FGD3: variants seen among roughly 807,000 people sequenced by gnomAD.
FGD3 encodes FYVE, RhoGEF and PH domain containing 3, also known as FYVE, RhoGEF and PH domain-containing protein 3.
A neutral mutation model predicts 71.8 loss-of-function variants in FGD3; 45 were observed. The observed-to-expected ratio is 0.63, with a 90% CI of 0.49 to 0.80. The LOEUF (loss-of-function observed/expected upper bound fraction) is 0.80, where lower values mean the gene tolerates loss of function less well. Ranked by LOEUF, FGD3 falls within the 30% of genes least tolerant of loss-of-function variation. FGD3 has a pLI of 0.00. For synonymous variants in FGD3, 378 were observed against 392.8 expected (o/e 0.96, Z 0.44); for missense variants, 844 against 951.5 (o/e 0.89, Z 1.49).
chr9:92,952,525 C>A (rs1258859214), intron 1 of FGD3, among the ~76,000 whole-genome samples: 1 of 152,108 alleles, frequency 6.6e-6, no homozygotes, highest in Non-Finnish European at 1.5e-5. Flanking sequence ...GTGTGAGCCA[C>A]CGCGCCCGGC....
chr9:92,994,653 A>C (rs1441424077), intron 3 of FGD3, among the ~76,000 whole-genome samples: 2 of 152,158 alleles, frequency 1.3e-5, no homozygotes, highest in Non-Finnish European at 2.9e-5. Context: ...TTTTTGTATA[A>C]GATGTAAGGA....
intron 6 of FGD3, among the ~76,000 whole-genome samples, chr9:93,008,390 A>G (rs572680390): frequency 1.3e-4 from 20 of 152,156 alleles, no homozygotes; most frequent in Non-Finnish European, 2.1e-4. Context: ...AGGGCCACAC[A>G]TTGCGCTCAT....
In FGD3 at chr9:93,022,559, G is replaced by A. The variant is rs148052155; in HGVS notation, c.1557+170G>A. 4.1e-3 allele frequency among the ~76,000 whole-genome samples: 623 copies of A among 152,218 alleles called. 3 individuals carry two copies. Among genetic ancestry groups the A allele is most frequent in the African/African-American group, 0.014 (576 of 41,530 alleles). On this transcript the variant is annotated intron_variant, in intron 14 of 17. Coordinates refer to ENST00000375482, the MANE Select transcript of FGD3 (RefSeq NM_001083536.2). The stretch of plus-strand genomic sequence containing the variant: ...ACTGTGACTGGGGGCCTGGGTGTGC[G>A]GAGGTGAAGCTATGTCTGAGTCCAG...
At chr9:92,956,660 C>T (rs573045853) in intron 1 of FGD3, among the ~76,000 whole-genome samples, 1 of 152,224 alleles carries the variant, frequency 6.6e-6, no homozygotes, top group East Asian at 1.9e-4. Context: ...TTTGACTTTT[C>T]AGCCACCTAG....
At chr9:93,011,974 T>C (rs1438446157) in intron 8 of FGD3, among the ~76,000 whole-genome samples, 1 of 151,866 alleles carries the variant, frequency 6.6e-6, no homozygotes, top group Non-Finnish European at 1.5e-5. Flanking sequence ...CTGGCTAATA[T>C]GGTGAAACCC....
chr9:92,995,791 A>T (rs1199096904), intron 3 of FGD3, among the ~76,000 whole-genome samples: 1 of 152,180 alleles, frequency 6.6e-6, no homozygotes, highest in Non-Finnish European at 1.5e-5. Flanking sequence ...TGATTTGTGT[A>T]TGTTGAACCA....
At chr9:93,008,095 T>C (rs909482229) in intron 6 of FGD3, among the ~76,000 whole-genome samples, 2 of 152,228 alleles carry the variant, frequency 1.3e-5, no homozygotes, top group African/African-American at 4.8e-5. Context: ...GTTGCAAAAA[T>C]GACATTGTTA....
chr9:92,978,624 C>A (rs1328871295), intron 3 of FGD3, among the ~76,000 whole-genome samples: 1 of 151,168 alleles, frequency 6.6e-6, no homozygotes, highest in Non-Finnish European at 1.5e-5. Flanking sequence ...GTTAAGGCTC[C>A]ACCCCAAGGT....
intron 3 of FGD3, among the ~76,000 whole-genome samples, chr9:92,981,844 TC>T (rs1307191852): frequency 6.6e-6 from 1 of 152,176 alleles, no homozygotes; most frequent in Admixed American, 6.5e-5. Flanking sequence ...CAGCAGTGAT[TC>T]TTTTTTTTTA....
intron 3 of FGD3, among the ~76,000 whole-genome samples, chr9:92,989,994 T>C (rs1472016976): frequency 6.6e-6 from 1 of 151,998 alleles, no homozygotes; most frequent in Non-Finnish European, 1.5e-5. Context: ...GTATATGAGA[T>C]TGCCTTCTTG....
chr9:92,998,738 G>T, intron 3 of FGD3, among the ~76,000 whole-genome samples: 1 of 152,142 alleles, frequency 6.6e-6, no homozygotes, highest in East Asian at 1.9e-4. Flanking sequence ...TTTGCTGGAG[G>T]TCCACTCCCT....
chr9:92,961,269 C>T (rs1311383978), intron 1 of FGD3, among the ~76,000 whole-genome samples: 1 of 152,132 alleles, frequency 6.6e-6, no homozygotes, highest in Non-Finnish European at 1.5e-5. Flanking sequence ...TGAGCAGCAC[C>T]CTTGAGGGAC....
intron 3 of FGD3, among the ~76,000 whole-genome samples, chr9:92,989,725 C>CTCA (rs1860329595): frequency 3.9e-5 from 6 of 152,144 alleles, no homozygotes; most frequent in Admixed American, 2.6e-4. Context: ...CTCAGTAAAT[C>CTCA]GGCACTTTAC....
intron 1 of FGD3, among the ~76,000 whole-genome samples, chr9:92,957,920 A>T (rs1859092721): frequency 6.6e-6 from 1 of 151,792 alleles, no homozygotes; most frequent in African/African-American, 2.4e-5. Flanking sequence ...ACCTCAGGTG[A>T]TCTGCCCACC....
At chr9:93,002,266 G>A (rs1183594507) in intron 3 of FGD3, among the ~76,000 whole-genome samples, 2 of 152,096 alleles carry the variant, frequency 1.3e-5, no homozygotes, top group Non-Finnish European at 2.9e-5. Flanking sequence ...AACTTACAGA[G>A]GTTTGTTAGC....
chr9:93,007,232 A>AG (rs950214716), intron 6 of FGD3, among the ~76,000 whole-genome samples: 42 of 151,980 alleles, frequency 2.8e-4, no homozygotes, highest in African/African-American at 9.9e-4. Flanking sequence ...CTGGGACTAC[A>AG]GGCGCCCGCC....
chr9:93,028,995 G>GTTTTTTTTTTTTTTTTTTT (rs869235976), intron 14 of FGD3, among the ~76,000 whole-genome samples: 1 of 51,716 alleles, frequency 1.9e-5, no homozygotes. Context: ...TGTCCTCACA[G>GTTTTTTTTTTTTTTTTTTT]TTTTTTTTTT....
intron 1 of FGD3, among the ~76,000 whole-genome samples, chr9:92,961,370 A>G (rs951348914): frequency 2.6e-5 from 4 of 152,128 alleles, no homozygotes; most frequent in South Asian, 2.1e-4. Flanking sequence ...AATAGCACCA[A>G]TGGATTGTCA....
At chr9:93,034,228 G>A in intron 16 of FGD3, 2 of 297,582 alleles carry the variant, frequency 6.7e-6, no homozygotes, top group Non-Finnish European at 1.2e-5. Flanking sequence ...TCCCTGTCCC[G>A]TGACCCACCC....
Sources: allele counts gnomAD v4.1 joint callset (sites outside exome capture counted in the v4.1 genomes callset), GRCh38; gene constraint gnomAD v4.1.1; transcripts MANE v1.5; gene names NCBI Gene and HGNC (gene_info 2026-07-23, HGNC 2026-07-21).